The following HGSNAT variants were observed in gnomAD, a reference collection of about 807,000 sequenced individuals.
HGSNAT encodes transmembrane protein 76.
Under a neutral mutation model 85.2 loss-of-function variants are expected in HGSNAT, and 59 were observed. The observed-to-expected ratio is 0.69, with a 90% confidence interval of 0.56 to 0.86. The LOEUF (loss-of-function observed/expected upper bound fraction) is 0.86, where lower values mean the gene tolerates loss of function less well. Ranked by LOEUF, HGSNAT falls within the 40% of genes least tolerant of loss-of-function variation. HGSNAT has a pLI of 0.00. For missense variants in HGSNAT, 756 were observed against 777.1 expected, an observed-to-expected ratio of 0.97 and a Z score of 0.32; for synonymous variants, 321 against 304.5, an observed-to-expected ratio of 1.05 and a Z score of -0.56.
Position 43,158,566 on chromosome 8 carries a change from T to C in HGSNAT, c.235-9T>C, listed in dbSNP as rs913764481. The C allele has an allele frequency of 6.2e-7, 1 of 1,613,936 alleles. No homozygotes were observed. Among genetic ancestry groups the C allele is most frequent in the Non-Finnish European group, 8.5e-7 (1 of 1,179,844 alleles). On this transcript the variant is annotated splice_polypyrimidine_tract_variant and intron_variant, in intron 2 of 17. Transcript: ENST00000379644. ...TCTGGCGGTTGACCTGTTGTGCTTT[T>C]ATTTACAGTGCTTGTTTCAGGTTCT...
chr8:43,182,397 C>A, intron 11 of HGSNAT, 137 bp downstream of exon 11: 1 of 766,938 alleles, frequency 1.3e-6, no homozygotes, highest in Non-Finnish European at 2.3e-6. Flanking sequence ...CTTGGCCACC[C>A]AAAGCGCCGG....
chr8:43,173,936 C>T, intron 9 of HGSNAT, 193 bp downstream of exon 9: 1 of 536,036 alleles, frequency 1.9e-6, no homozygotes, highest in East Asian at 3.4e-5. Context: ...TGATTTGGGG[C>T]CGGGCGCGGT....
Position 43,182,199 on chromosome 8 carries a change from A to T in HGSNAT, c.1067A>T (p.Tyr356Phe). 6.2e-7 allele frequency: 1 copy of T among 1,613,974 alleles called. No homozygotes were observed. Among genetic ancestry groups the T allele is most frequent in the South Asian group, 1.1e-5 (1 of 91,090 alleles). ...GTGCTGCAGCGATTGGGAGTGACAT[A>T]CTTTGTGGTTGCTGTGTTGGAGCTC... ...PGVLQRLGVT[Y>F]FVVAVLELLF... is the part of the protein sequence containing the mutation. Residue 356 changes from tyrosine to phenylalanine, a missense_variant, in exon 11 of 18, where the codon TAC becomes TTC. Transcript: ENST00000379644.
At chr8:43,179,504 C>G (rs1425100783) in intron 10 of HGSNAT, among the ~76,000 whole-genome samples, 1 of 127,518 alleles carries the variant, frequency 7.8e-6, no homozygotes, top group Non-Finnish European at 1.7e-5. Context: ...TGACCCCCCC[C>G]ACCTCCCTCC....
chr8:43,180,113 C>CT (rs1491092643), intron 10 of HGSNAT, among the ~76,000 whole-genome samples: 1 of 83,510 alleles, frequency 1.2e-5, no homozygotes, highest in Admixed American at 1.1e-4. Context: ...CCCCCCCCCC[C>CT]ACCGCCTCCC....
At chr8:43,189,635 G>A (rs1377675679) in intron 11 of HGSNAT, among the ~76,000 whole-genome samples, 1 of 152,162 alleles carries the variant, frequency 6.6e-6, no homozygotes, top group Non-Finnish European at 1.5e-5. Context: ...ACAAGCCCCA[G>A]TGAGATGAAC....
intron 4 of HGSNAT, among the ~76,000 whole-genome samples, chr8:43,160,220 C>G (rs1351497628): frequency 1.3e-5 from 2 of 152,184 alleles, no homozygotes; most frequent in African/African-American, 4.8e-5. Flanking sequence ...CCCGTTTTAA[C>G]TGTAATTCAG....
At chr8:43,196,522 AGC>A (rs1371764026) in intron 14 of HGSNAT, 8 of 1,290,186 alleles carry the variant, frequency 6.2e-6, no homozygotes, top group Non-Finnish European at 8.1e-6. Context: ...TGGAAGTAAG[AGC>A]CACGGAGCCT....
chr8:43,140,842 C>T (rs1563350015), intron 1 of HGSNAT, among the ~76,000 whole-genome samples: 1 of 152,086 alleles, frequency 6.6e-6, no homozygotes, highest in Non-Finnish European at 1.5e-5. Flanking sequence ...GCGGTTCGGA[C>T]CGCGGCGGAG....
rs114461244 is a variant in HGSNAT at position 43,148,401 on chromosome 8, C to G, written c.234+1338C>G. Among the ~76,000 whole-genome samples, 1,372 of 151,746 alleles carry G rather than the reference C, an allele frequency of 9.0e-3. 19 individuals are homozygous for G. The highest frequency in any genetic ancestry group is 0.031 in the African/African-American group (1,277 of 41,352). On this transcript the variant is annotated intron_variant, in intron 2 of 17. Coordinates refer to ENST00000379644, the MANE Select transcript of HGSNAT (RefSeq NM_152419.3). ...CTATATCAAGGTGTTATGCTGTCGT[C>G]AAGGTGTTAGGTGTAGGGCAAGTAA...
At chr8:43,142,510 GA>G (rs201035494) in intron 1 of HGSNAT, among the ~76,000 whole-genome samples, 1 of 150,436 alleles carries the variant, frequency 6.6e-6, no homozygotes, top group Admixed American at 6.6e-5. Flanking sequence ...AATGCAAAGT[GA>G]AAAAAAAAGG....
At chr8:43,141,503 G>A (rs890436842) in intron 1 of HGSNAT, among the ~76,000 whole-genome samples, 5 of 152,148 alleles carry the variant, frequency 3.3e-5, no homozygotes, top group African/African-American at 1.2e-4. Context: ...GGGAGCCCCA[G>A]GCCCTAGGTC....
At chr8:43,175,330 A>C (rs1045975823) in intron 9 of HGSNAT, among the ~76,000 whole-genome samples, 13 of 152,104 alleles carry the variant, frequency 8.5e-5, no homozygotes, top group African/African-American at 3.1e-4. Context: ...GTACTAATTT[A>C]CATTCCCACC....
intron 11 of HGSNAT, 74 bp downstream of exon 11, chr8:43,182,334 C>T (rs1471668108): frequency 8.4e-7 from 1 of 1,196,528 alleles, no homozygotes; most frequent in African/African-American, 1.5e-5. Flanking sequence ...GATACGGTCT[C>T]ACTATGTTGT....
Position 43,159,000 on chromosome 8 carries a change from C to T in HGSNAT, c.449C>T (p.Ala150Val). The change falls in exon 4 of 18, where the codon GCC becomes GTC. Residue 150 changes from alanine (A) to valine (V), a missense_variant. Transcript: ENST00000379644. ...ATCCATAATGGAGTTAGTGAAATTG[C>T]CTGTGACCTGGCTGTGAACGAGGAT... is the stretch of plus-strand genomic sequence containing the variant. ...KNIHNGVSEI[A>V]CDLAVNEDPV... 1 of 1,613,594 alleles carries T rather than the reference C, an allele frequency of 6.2e-7. No individual in the cohort carries two copies. The highest frequency in any genetic ancestry group is 8.5e-7 in the Non-Finnish European group (1 of 1,179,644).
At chr8:43,152,451 A>G (rs1360796718) in intron 2 of HGSNAT, among the ~76,000 whole-genome samples, 3 of 152,176 alleles carry the variant, frequency 2.0e-5, no homozygotes, top group African/African-American at 7.2e-5. Context: ...AAGCTGAGAA[A>G]TGATTTTTTA....
intron 11 of HGSNAT, among the ~76,000 whole-genome samples, chr8:43,183,463 G>A (rs1804203221): frequency 6.6e-6 from 1 of 150,650 alleles, no homozygotes; most frequent in Admixed American, 6.6e-5. Flanking sequence ...CACCATGCCT[G>A]GCCTCATTTT....
chr8:43,143,965 T>C (rs1335344531), intron 1 of HGSNAT, among the ~76,000 whole-genome samples: 1 of 152,048 alleles, frequency 6.6e-6, no homozygotes, highest in Non-Finnish European at 1.5e-5. Context: ...CACAACTGAA[T>C]TGGAGAGAAA....
At chr8:43,199,331 G>T in intron 17 of HGSNAT, 57 bp from the exon 18 acceptor site, 1 of 1,225,994 alleles carries the variant, frequency 8.2e-7, no homozygotes, top group South Asian at 1.4e-5. Flanking sequence ...TTAAATAGAT[G>T]GTTAGATGTG....
Sources: gnomAD v4.1 joint callset for allele counts (sites outside exome capture counted in the v4.1 genomes callset) on GRCh38, gnomAD v4.1.1 for gene constraint, MANE v1.5 for transcripts, NCBI Gene and HGNC (gene_info 2026-07-23, HGNC 2026-07-21) for gene names.